The following CNST variants were observed in gnomAD, a reference collection of about 807,000 sequenced individuals.
CNST encodes consortin.
Under a neutral mutation model 72.4 loss-of-function variants are expected in CNST, and 39 were observed. That is an observed-to-expected ratio of 0.54 (90% CI 0.42 to 0.70). The LOEUF is 0.70. Ranked by LOEUF, CNST falls within the 30% of genes least tolerant of loss-of-function variation. The pLI, the probability that CNST is intolerant of heterozygous loss-of-function variation, is 0.00. For missense variants in CNST, 871 were observed against 868.5 expected, an observed-to-expected ratio of 1.00 and a Z score of -0.04; for synonymous variants, 332 against 320.1, an observed-to-expected ratio of 1.04 and a Z score of -0.40.
chr1:246,615,800 C>T (rs1394754497), intron 2 of CNST, among the ~76,000 whole-genome samples: 1 of 151,952 alleles, frequency 6.6e-6, no homozygotes, highest in East Asian at 2.0e-4. Context: ...ATAGCTTGAA[C>T]CCAGGAGGTG....
chr1:246,641,880 C>A, intron 7 of CNST, 61 bp from the exon 8 acceptor site: 1 of 1,403,470 alleles, frequency 7.1e-7, no homozygotes, highest in Non-Finnish European at 1.0e-6. Flanking sequence ...TTATTTTCAG[C>A]TTCCTAGTTT....
At chr1:246,652,428 A>G (rs1666499617) in intron 9 of CNST, among the ~76,000 whole-genome samples, 1 of 152,202 alleles carries the variant, frequency 6.6e-6, no homozygotes, top group Admixed American at 6.5e-5. Flanking sequence ...TGTTGGATAC[A>G]TTTTACGAAA....
chr1:246,649,764 G>A (rs1456401056), intron 9 of CNST, among the ~76,000 whole-genome samples: 1 of 151,196 alleles, frequency 6.6e-6, no homozygotes, highest in Non-Finnish European at 1.5e-5. Flanking sequence ...GAGGATAATA[G>A]GAACTTTTGG....
chr1:246,591,419 A>G (rs1572137815), intron 1 of CNST, 93 bp from the exon 2 acceptor site: 1 of 923,970 alleles, frequency 1.1e-6, no homozygotes, highest in Non-Finnish European at 1.6e-6. Context: ...CCTATTTACA[A>G]TGAAACAACC....
intron 9 of CNST, among the ~76,000 whole-genome samples, chr1:246,657,848 T>A (rs893881782): frequency 6.6e-6 from 1 of 152,234 alleles, no homozygotes; most frequent in African/African-American, 2.4e-5. Flanking sequence ...CTATTTGCAT[T>A]GTCTTTTGAT....
intron 2 of CNST, among the ~76,000 whole-genome samples, chr1:246,602,508 C>A (rs1189048945): frequency 6.6e-6 from 1 of 152,214 alleles, no homozygotes; most frequent in African/African-American, 2.4e-5. Flanking sequence ...TACACCATGA[C>A]AGCTGGCTTC....
chr1:246,634,429 T>C (rs767428428), intron 5 of CNST, 44 bp from the exon 6 acceptor site: 7 of 1,180,402 alleles, frequency 5.9e-6, no homozygotes, highest in South Asian at 2.9e-5. Context: ...TGCTCCTAAA[T>C]ATGTTTTATA....
At chr1:246,639,233 C>T (rs1195229680) in intron 6 of CNST, among the ~76,000 whole-genome samples, 1 of 151,948 alleles carries the variant, frequency 6.6e-6, no homozygotes, top group African/African-American at 2.4e-5. Context: ...AGAGTGAGAA[C>T]GGGGGCTGAG....
chr1:246,597,352 G>A (rs576749471), intron 2 of CNST, among the ~76,000 whole-genome samples: 1 of 152,178 alleles, frequency 6.6e-6, no homozygotes, highest in East Asian at 1.9e-4. Context: ...CCTCCAGGAA[G>A]AAATCACGTA....
At chr1:246,642,151 T>TTTTTTTTTTTTTTTTTTTTTTC in intron 8 of CNST, 114 bp downstream of exon 8, 2 of 597,022 alleles carry the variant, frequency 3.3e-6, no homozygotes, top group African/African-American at 4.1e-5. Context: ...TTTTTTTTTT[T>TTTTTTTTTTTTTTTTTTTTTTC]TTTGCACTTA....
intron 10 of CNST, among the ~76,000 whole-genome samples, chr1:246,664,257 C>G (rs1410881189): frequency 2.0e-5 from 3 of 152,190 alleles, no homozygotes; most frequent in Non-Finnish European, 2.9e-5. Flanking sequence ...TATAACAAAC[C>G]CTGCTGCAGT....
At chr1:246,593,112 T>A (rs2103027803) in intron 2 of CNST, among the ~76,000 whole-genome samples, 1 of 152,346 alleles carries the variant, frequency 6.6e-6, no homozygotes, top group African/African-American at 2.4e-5. Flanking sequence ...TATCGTATTT[T>A]TTATTTGTAT....
At chr1:246,604,832 C>T (rs1333810015) in intron 2 of CNST, among the ~76,000 whole-genome samples, 1 of 152,046 alleles carries the variant, frequency 6.6e-6, no homozygotes, top group African/African-American at 2.4e-5. Flanking sequence ...CCATGCCTGG[C>T]TAATTTTTGG....
intron 2 of CNST, among the ~76,000 whole-genome samples, chr1:246,598,658 T>C (rs568210477): frequency 1.4e-4 from 21 of 152,208 alleles, no homozygotes; most frequent in Non-Finnish European, 2.9e-4. Context: ...ATCAGCTTTA[T>C]GGAGACAATT....
Position 246,576,095 on chromosome 1 carries a change from C to G in CNST, c.-52+9432C>G, listed in dbSNP as rs1475385215. ...ACTAAAAATGCAAAAATTAGCCAGG[C>G]ATGGTGGCGGGCGCCTGTAATCCCA... On this transcript the variant is annotated intron_variant, in intron 1 of 10. Transcript: ENST00000366513. Among the ~76,000 whole-genome samples, 3 of 148,934 alleles carry G rather than the reference C, an allele frequency of 2.0e-5. No individual in the cohort carries two copies. In the East Asian group the frequency reaches 6.0e-4, roughly 30 times the overall value.
At chr1:246,647,104 T>C (rs1312923180) in intron 8 of CNST, 35 bp from the exon 9 acceptor site, 1 of 1,571,000 alleles carries the variant, frequency 6.4e-7, no homozygotes, top group East Asian at 2.2e-5. Context: ...AGTGTTGTTT[T>C]GAATTTTTAA....
intron 6 of CNST, among the ~76,000 whole-genome samples, chr1:246,636,942 A>G (rs1411281121): frequency 3.3e-5 from 5 of 152,152 alleles, no homozygotes; most frequent in African/African-American, 1.2e-4. Context: ...TGTGGGCAGC[A>G]GGGCGGCTAC....
intron 9 of CNST, among the ~76,000 whole-genome samples, chr1:246,659,557 T>A (rs187237436): frequency 1.3e-5 from 2 of 150,988 alleles, no homozygotes; most frequent in East Asian, 1.9e-4. Context: ...ATCGCGCCAC[T>A]GCACTCCAGC....
intron 1 of CNST, among the ~76,000 whole-genome samples, chr1:246,583,191 GT>G (rs1336071301): frequency 6.6e-6 from 1 of 152,130 alleles, no homozygotes; most frequent in Non-Finnish European, 1.5e-5. Context: ...TCCTTCCTGT[GT>G]TTACCATACA....
Sources: allele counts gnomAD v4.1 joint callset (sites outside exome capture counted in the v4.1 genomes callset), GRCh38; gene constraint gnomAD v4.1.1; transcripts MANE v1.5; gene names NCBI Gene and HGNC (gene_info 2026-07-23, HGNC 2026-07-21).